MAN1A1: variants seen among roughly 807,000 people sequenced by gnomAD.
MAN1A1 encodes the protein mannosidase alpha class 1A member 1, also known as mannosyl-oligosaccharide 1,2-alpha-mannosidase IA.
A neutral mutation model predicts 70.8 loss-of-function variants in MAN1A1; 29 were observed. The ratio of observed to expected loss-of-function variants is 0.41; its 90% confidence interval spans 0.31 to 0.56. The LOEUF (loss-of-function observed/expected upper bound fraction) is 0.56, where lower values mean the gene tolerates loss of function less well. Among genes scored for constraint, MAN1A1 ranks in the 20% least tolerant of loss-of-function variants. The probability of loss-of-function intolerance (pLI) is 0.29; values close to 1 mark genes in which losing one functional copy is unlikely to be tolerated. For synonymous variants in MAN1A1, 349 were observed against 330.1 expected, an observed-to-expected ratio of 1.06 and a Z score of -0.62; for missense variants, 747 against 841.3, an observed-to-expected ratio of 0.89 and a Z score of 1.39.
At chr6:119,265,531 A>C (rs991550415) in intron 5 of MAN1A1, among the ~76,000 whole-genome samples, 3 of 152,208 alleles carry the variant, frequency 2.0e-5, no homozygotes, top group Non-Finnish European at 4.4e-5. Flanking sequence ...TTTTAAATAA[A>C]TAAACATTTA....
rs1212097727 is a variant in MAN1A1 at position 119,348,566 on chromosome 6, G to A, written c.500C>T (p.Pro167Leu). ...VAQDQLRDKA[P>L]FRGLPPVDFV... ...GTCCACCGGGGGCAGGCCTCTGAACGGCGCCTTGTCACGCAGCTGGTCCTG... is the reference window on the plus strand; with the variant it reads ...GTCCACCGGGGGCAGGCCTCTGAACAGCGCCTTGTCACGCAGCTGGTCCTG... The change falls in exon 2 of 13, where the codon CCG (proline) becomes CTG (leucine). Residue 167 changes from proline to leucine, a missense_variant. Physicochemically the swap from Pro to Leu is moderately conservative, Grantham distance 98. Transcript: ENST00000368468. 2 of 1,613,626 alleles carry A rather than the reference G, an allele frequency of 1.2e-6. No individual in the cohort carries two copies. The highest frequency in any genetic ancestry group is 1.7e-6 in the Non-Finnish European group (2 of 1,179,850).
At chr6:119,248,179 T>C (rs1031165555) in intron 6 of MAN1A1, 81 bp downstream of exon 6, 7 of 885,494 alleles carry the variant, frequency 7.9e-6, no homozygotes, top group Non-Finnish European at 1.1e-5. Context: ...TATAAGTAAT[T>C]ATCTATCTAA....
intron 2 of MAN1A1, among the ~76,000 whole-genome samples, chr6:119,337,141 T>C (rs1333042558): frequency 6.6e-6 from 1 of 152,062 alleles, no homozygotes; most frequent in Admixed American, 6.6e-5. Context: ...TATAAGAAAA[T>C]GAATGCAGTT....
intron 6 of MAN1A1, among the ~76,000 whole-genome samples, chr6:119,233,050 A>G (rs1395186517): frequency 3.9e-5 from 6 of 152,164 alleles, no homozygotes; most frequent in African/African-American, 1.2e-4. Flanking sequence ...TTTCTTGCTC[A>G]CTAGACTCAG....
intron 4 of MAN1A1, among the ~76,000 whole-genome samples, chr6:119,291,051 C>T (rs546550090): frequency 1.3e-5 from 2 of 152,100 alleles, no homozygotes; most frequent in East Asian, 1.9e-4. Context: ...CGGTTTGTCT[C>T]TGTGTCCCCA....
At chr6:119,210,997 T>C (rs1318168566) in intron 6 of MAN1A1, 2 of 419,888 alleles carry the variant, frequency 4.8e-6, no homozygotes, top group Non-Finnish European at 9.6e-6. Context: ...CAATCATTTA[T>C]ATCAAGATAT....
intron 5 of MAN1A1, among the ~76,000 whole-genome samples, chr6:119,256,113 T>C (rs115996801): frequency 0.04 from 6,145 of 152,224 alleles, 375 homozygotes; most frequent in African/African-American, 0.13. Flanking sequence ...ACACATGCTA[T>C]CCTGCCAATA....
intron 4 of MAN1A1, among the ~76,000 whole-genome samples, chr6:119,293,159 T>C (rs1258851253): frequency 6.6e-6 from 1 of 152,096 alleles, no homozygotes; most frequent in Non-Finnish European, 1.5e-5. Context: ...CGTGAAAATT[T>C]TGGATAATCA....
At chr6:119,276,721 C>T (rs17526989) in intron 5 of MAN1A1, among the ~76,000 whole-genome samples, 6,286 of 152,204 alleles carry the variant, frequency 0.041, 147 homozygotes, top group African/African-American at 0.054. Flanking sequence ...TCAAGTTAGA[C>T]TTAAGAACTG....
At chr6:119,235,076 C>T (rs910893657) in intron 6 of MAN1A1, among the ~76,000 whole-genome samples, 2 of 152,120 alleles carry the variant, frequency 1.3e-5, no homozygotes, top group African/African-American at 4.8e-5. Flanking sequence ...GCTCCACTGA[C>T]CAGCTGTTTC....
upstream of MAN1A1, chr6:119,349,911 G>T (rs898809636): frequency 1.3e-5 from 4 of 316,480 alleles, no homozygotes; most frequent in Non-Finnish European, 1.8e-5. Context: ...GGGAGTTTAC[G>T]GGAAGCGCAG....
In MAN1A1 at chr6:119,188,534, A is replaced by T; in HGVS notation, c.1590T>A (p.Val530=). ...GPEAFRFDGG[V]EAIATRQNEK... ...CATTTTGTCTTGTAGCGATGGCTTC[A>T]ACACCACCATCAAATCTGAAAGCTT... The change falls in exon 11 of 13, where the codon GTT becomes GTA. Residue 530 remains valine (V), a synonymous_variant. Coordinates refer to ENST00000368468, the MANE Select transcript of MAN1A1 (RefSeq NM_005907.4). The T allele has an allele frequency of 6.2e-7, 1 of 1,613,888 alleles. No homozygotes were observed. Among genetic ancestry groups the T allele is most frequent in the South Asian group, 1.1e-5 (1 of 91,014 alleles).
chr6:119,224,232 G>T (rs958858265), intron 6 of MAN1A1, among the ~76,000 whole-genome samples: 2 of 152,186 alleles, frequency 1.3e-5, no homozygotes, highest in African/African-American at 4.8e-5. Flanking sequence ...AGCTACCTTT[G>T]AAAGAAAGAC....
intron 2 of MAN1A1, among the ~76,000 whole-genome samples, chr6:119,341,863 C>A (rs972272655): frequency 1.3e-5 from 2 of 152,164 alleles, no homozygotes; most frequent in African/African-American, 4.8e-5. Context: ...CACCTGTAAT[C>A]CCAACACTTT....
At chr6:119,206,600 A>G (rs72956760) in intron 6 of MAN1A1, among the ~76,000 whole-genome samples, 1,760 of 152,340 alleles carry the variant, frequency 0.012, 14 homozygotes, top group Non-Finnish European at 0.019. Context: ...CCCTAAATTT[A>G]TTAGGCTCTG....
intron 6 of MAN1A1, among the ~76,000 whole-genome samples, chr6:119,216,868 C>G (rs1166150796): frequency 6.6e-6 from 1 of 152,154 alleles, no homozygotes; most frequent in Non-Finnish European, 1.5e-5. Flanking sequence ...ACTGTGTTTG[C>G]TGAAAACAGA....
Position 119,179,936 on chromosome 6 carries a change from G to A in MAN1A1, c.1845C>T (p.Tyr615=), listed in dbSNP as rs748260114. 1.9e-5 allele frequency: 31 copies of A among 1,613,336 alleles called. No individual in the cohort carries two copies. The highest frequency in any genetic ancestry group is 2.6e-5 in the Non-Finnish European group (31 of 1,179,492). ...FFLAETLKYL[Y]LIFSDDDLLP... is the part of the protein sequence containing the mutation. ...GAAGATCGTCGTCAGAAAATATTAGGTACAAATATCTGGTGAGAGAAACAT... is the reference window on the plus strand; with the variant it reads ...GAAGATCGTCGTCAGAAAATATTAGATACAAATATCTGGTGAGAGAAACAT... Residue 615 remains tyrosine (Y), a synonymous_variant, in exon 13 of 13, where the codon TAC becomes TAT. Coordinates refer to ENST00000368468, the MANE Select transcript of MAN1A1 (RefSeq NM_005907.4).
At chr6:119,307,658 T>C (rs1055536626) in intron 2 of MAN1A1, among the ~76,000 whole-genome samples, 21 of 152,208 alleles carry the variant, frequency 1.4e-4, no homozygotes, top group East Asian at 1.9e-4. Flanking sequence ...ACACCAATAA[T>C]GGTTTTAAAA....
intron 6 of MAN1A1, among the ~76,000 whole-genome samples, chr6:119,211,373 C>A (rs1774045972): frequency 6.6e-6 from 1 of 152,214 alleles, no homozygotes; most frequent in African/African-American, 2.4e-5. Flanking sequence ...CTTGCTTCTC[C>A]TAGTTTCTAA....
Sources: gnomAD v4.1 joint callset for allele counts (sites outside exome capture counted in the v4.1 genomes callset) on GRCh38, gnomAD v4.1.1 for gene constraint, MANE v1.5 for transcripts, NCBI Gene and HGNC (gene_info 2026-07-23, HGNC 2026-07-21) for gene names.